The following LRRTM4 variants were observed in gnomAD, a reference collection of about 807,000 sequenced individuals.
LRRTM4 encodes the protein leucine rich repeat transmembrane neuronal 4.
LRRTM4 carries 25 observed loss-of-function variants against 47.6 expected under a neutral mutation model. That is an observed-to-expected ratio of 0.53 (90% CI 0.38 to 0.73). The LOEUF (loss-of-function observed/expected upper bound fraction) is 0.73. Among genes scored for constraint, LRRTM4 ranks in the 30% least tolerant of loss-of-function variants. The pLI is 0.00. For synonymous variants in LRRTM4, 311 were observed against 269.5 expected (o/e 1.15, Z -1.51); for missense variants, 638 against 713.4 (o/e 0.89, Z 1.20).
chr2:77,137,847 T>A (rs903560912), intron 3 of LRRTM4, among the ~76,000 whole-genome samples: 1 of 152,040 alleles, frequency 6.6e-6, no homozygotes, highest in Non-Finnish European at 1.5e-5. Context: ...AAAACAGACT[T>A]TAAACCAACA....
intron 3 of LRRTM4, among the ~76,000 whole-genome samples, chr2:77,365,657 T>C (rs916573518): frequency 3.3e-5 from 5 of 151,698 alleles, no homozygotes; most frequent in South Asian, 2.1e-4. Flanking sequence ...TGGTTATGCA[T>C]CTTTTATAAC....
Position 77,476,730 on chromosome 2 carries a change from C to T in LRRTM4, c.1551+41588G>A, listed in dbSNP as rs374934037. Reference sequence around the variant, plus strand: ...ACAAATGTTATTTATAGTAATGGACCGAGTTTTACAAATTAATAGTCTAAA... The same window carrying T: ...ACAAATGTTATTTATAGTAATGGACTGAGTTTTACAAATTAATAGTCTAAA... On this transcript the variant is annotated intron_variant, in intron 3 of 3. Transcript: ENST00000409884. Among the ~76,000 whole-genome samples, 220 of 151,718 alleles carry T rather than the reference C, an allele frequency of 1.5e-3. 3 individuals carry two copies. The South Asian group carries it at 0.022, about 15-fold the overall frequency.
At chr2:77,088,500 A>C (rs1680803929) in intron 3 of LRRTM4, among the ~76,000 whole-genome samples, 2 of 151,430 alleles carry the variant, frequency 1.3e-5, no homozygotes, top group South Asian at 4.2e-4. Context: ...CAGAGAACAA[A>C]CCCCCTTTGA....
intron 3 of LRRTM4, among the ~76,000 whole-genome samples, chr2:77,442,340 T>C (rs894118514): frequency 2.0e-5 from 3 of 151,960 alleles, no homozygotes; most frequent in African/African-American, 4.8e-5. Context: ...TTCTAAGGAG[T>C]ATATAAAAAA....
intron 3 of LRRTM4, among the ~76,000 whole-genome samples, chr2:76,877,019 G>T (rs1672797776): frequency 6.6e-6 from 1 of 152,024 alleles, no homozygotes; most frequent in Non-Finnish European, 1.5e-5. Flanking sequence ...GAGCTTAGAT[G>T]ATTTTATGAA....
chr2:76,806,698 G>A (rs754589914), intron 3 of LRRTM4, among the ~76,000 whole-genome samples: 17 of 152,036 alleles, frequency 1.1e-4, no homozygotes, highest in Non-Finnish European at 7.4e-5. Flanking sequence ...AGTTAAAAAT[G>A]TGCATAAAAT....
chr2:77,325,095 C>G (rs758845700), intron 3 of LRRTM4, among the ~76,000 whole-genome samples: 3 of 152,254 alleles, frequency 2.0e-5, no homozygotes, highest in Non-Finnish European at 4.4e-5. Context: ...TGCAGAGAAA[C>G]ACAAGAAATT....
intron 3 of LRRTM4, among the ~76,000 whole-genome samples, chr2:77,421,156 T>C (rs181977295): frequency 6.6e-6 from 1 of 152,164 alleles, no homozygotes; most frequent in Non-Finnish European, 1.5e-5. Flanking sequence ...GTAGCTATAG[T>C]GAATACAAAG....
At chr2:77,296,129 T>C (rs1460263775) in intron 3 of LRRTM4, among the ~76,000 whole-genome samples, 1 of 152,182 alleles carries the variant, frequency 6.6e-6, no homozygotes. Context: ...TCTTAAGCCT[T>C]TAAACTTGTT....
At chr2:77,330,199 G>A (rs1159021391) in intron 3 of LRRTM4, among the ~76,000 whole-genome samples, 1 of 152,188 alleles carries the variant, frequency 6.6e-6, no homozygotes, top group African/African-American at 2.4e-5. Context: ...GGGCAGGACT[G>A]TAGGTGGGGA....
intron 3 of LRRTM4, among the ~76,000 whole-genome samples, chr2:77,410,153 G>A (rs945405198): frequency 6.6e-6 from 1 of 151,988 alleles, no homozygotes. Flanking sequence ...AGTCTTAGAG[G>A]CTTTTAAATA....
chr2:76,804,304 ATGTATCAAAACT>A (rs1370303051), intron 3 of LRRTM4, among the ~76,000 whole-genome samples: 11 of 152,158 alleles, frequency 7.2e-5, no homozygotes, highest in Non-Finnish European at 1.6e-4. Context: ...CTTTGGGACT[ATGTATCAAAACT>A]TGTTATATGT....
intron 3 of LRRTM4, among the ~76,000 whole-genome samples, chr2:77,042,772 G>A (rs968433772): frequency 3.3e-5 from 5 of 151,664 alleles, no homozygotes; most frequent in Non-Finnish European, 7.4e-5. Flanking sequence ...AACTGTGATG[G>A]TGTAATAAAA....
At chr2:77,389,764 T>C (rs1294490644) in intron 3 of LRRTM4, among the ~76,000 whole-genome samples, 1 of 152,178 alleles carries the variant, frequency 6.6e-6, no homozygotes, top group African/African-American at 2.4e-5. Flanking sequence ...AAAGTTAATA[T>C]AATAGCCAAC....
rs141101710 is a variant in LRRTM4 at position 76,914,883 on chromosome 2, A to G, written c.1552-165967T>C. On this transcript the variant is annotated intron_variant, in intron 3 of 3. Coordinates refer to ENST00000409884, the MANE Select transcript of LRRTM4 (RefSeq NM_001134745.3). ...AAGAGCAAAGGCTCTAGATCACAGA[A>G]TAACTTGAGTTTACTAAGAGCAGAA... Among the ~76,000 whole-genome samples, 378 of 152,326 alleles carry G rather than the reference A, an allele frequency of 2.5e-3. 8 individuals carry two copies. The highest frequency in any genetic ancestry group is 8.7e-3 in the African/African-American group (363 of 41,576).
chr2:76,775,919 C>T (rs1227604704), intron 3 of LRRTM4, among the ~76,000 whole-genome samples: 1 of 151,144 alleles, frequency 6.6e-6, no homozygotes, highest in Non-Finnish European at 1.5e-5. Context: ...CCCCCCACCC[C>T]ACAACAGTCC....
At chr2:77,502,655 A>AG (rs1228814370) in intron 3 of LRRTM4, among the ~76,000 whole-genome samples, 1 of 151,698 alleles carries the variant, frequency 6.6e-6, no homozygotes, top group South Asian at 2.1e-4. Context: ...CAACAAAAAA[A>AG]GTCATGTTAC....
chr2:76,770,880 A>G (rs953359807), intron 3 of LRRTM4, among the ~76,000 whole-genome samples: 1 of 152,172 alleles, frequency 6.6e-6, no homozygotes, highest in Non-Finnish European at 1.5e-5. Flanking sequence ...AAGTACTCAC[A>G]CTGTGCTACA....
At chr2:76,857,304 T>TATATAATATAC (rs1470120148) in intron 3 of LRRTM4, among the ~76,000 whole-genome samples, 15 of 148,088 alleles carry the variant, frequency 1.0e-4, no homozygotes, top group African/African-American at 3.7e-4. Context: ...AAACACAGTA[T>TATATAATATAC]ATATAATATA....
Sources: gnomAD v4.1 joint callset for allele counts (sites outside exome capture counted in the v4.1 genomes callset) on GRCh38, gnomAD v4.1.1 for gene constraint, MANE v1.5 for transcripts, NCBI Gene and HGNC (gene_info 2026-07-23, HGNC 2026-07-21) for gene names.